The following ZBTB38 variants were observed in gnomAD, a reference collection of about 807,000 sequenced individuals.
ZBTB38 encodes the protein zinc finger and BTB domain containing 38.
A neutral mutation model predicts 76.8 loss-of-function variants in ZBTB38; 20 were observed. That is an observed-to-expected ratio of 0.26 (90% CI 0.18 to 0.38). The LOEUF (loss-of-function observed/expected upper bound fraction) is 0.38. ZBTB38 is among the 10% of genes least tolerant of loss of function. ZBTB38 has a pLI of 1.00. For missense variants in ZBTB38, 1,082 were observed against 1,482.3 expected (o/e 0.73, Z 4.43); for synonymous variants, 504 against 544.2 (o/e 0.93, Z 1.03).
At chr3:141,424,363 T>TA (rs889608163) in intron 5 of ZBTB38, among the ~76,000 whole-genome samples, 6 of 151,094 alleles carry the variant, frequency 4.0e-5, no homozygotes, top group East Asian at 3.9e-4. Context: ...TACAAAGAAA[T>TA]AAAAAAAATT....
At chr3:141,433,747 G>C (rs2078130089) in intron 5 of ZBTB38, among the ~76,000 whole-genome samples, 1 of 152,080 alleles carries the variant, frequency 6.6e-6, no homozygotes, top group African/African-American at 2.4e-5. Flanking sequence ...CTTCAGCCGT[G>C]GTATGCTGTT....
upstream of ZBTB38, among the ~76,000 whole-genome samples, chr3:141,364,386 A>C (rs564003622): frequency 9.3e-5 from 14 of 150,104 alleles, no homozygotes; most frequent in African/African-American, 3.4e-4. Flanking sequence ...TGAAAACTTT[A>C]AAAAAAAAAT....
intron 5 of ZBTB38, among the ~76,000 whole-genome samples, chr3:141,420,749 C>G (rs1282352508): frequency 6.6e-6 from 1 of 152,098 alleles, no homozygotes; most frequent in African/African-American, 2.4e-5. Flanking sequence ...GTCTTTTTAT[C>G]CCAGTCATCA....
chr3:141,334,405 T>TTTCC (rs56692861), intron 1 of ZBTB38, among the ~76,000 whole-genome samples: 6,004 of 130,184 alleles, frequency 0.046, 301 homozygotes, highest in African/African-American at 0.11. Flanking sequence ...TCCTTCCTTC[T>TTTCC]TTCCTTCCTT....
upstream of ZBTB38, among the ~76,000 whole-genome samples, chr3:141,364,591 C>T (rs139289095): frequency 0.017 from 2,454 of 143,188 alleles, 38 homozygotes; most frequent in South Asian, 0.089. Context: ...GCAGGAGAAT[C>T]GCTTGAACCC....
intron 4 of ZBTB38, among the ~76,000 whole-genome samples, chr3:141,399,694 A>T (rs1951270959): frequency 6.6e-6 from 1 of 152,234 alleles, no homozygotes; most frequent in Non-Finnish European, 1.5e-5. Flanking sequence ...CAATAGTAGG[A>T]AACAAAGACA....
chr3:141,374,558 C>T (rs1419569927), intron 2 of ZBTB38, among the ~76,000 whole-genome samples: 2 of 152,036 alleles, frequency 1.3e-5, no homozygotes, highest in Admixed American at 6.5e-5. Context: ...TATAACCCCT[C>T]ACCCCAACCC....
At chr3:141,410,306 ACT>A (rs1249753786) in intron 5 of ZBTB38, among the ~76,000 whole-genome samples, 3 of 152,026 alleles carry the variant, frequency 2.0e-5, no homozygotes, top group Admixed American at 1.3e-4. Flanking sequence ...GGGAATGAAG[ACT>A]CTTACAGAAG....
At chr3:141,331,744 A>G (rs1434974922) in intron 1 of ZBTB38, among the ~76,000 whole-genome samples, 2 of 152,100 alleles carry the variant, frequency 1.3e-5, no homozygotes, top group African/African-American at 4.8e-5. Context: ...TTTCCCATTC[A>G]TGGGTTTGAG....
chr3:141,430,053 G>A (rs1412218354), intron 5 of ZBTB38, among the ~76,000 whole-genome samples: 4 of 151,634 alleles, frequency 2.6e-5, no homozygotes, highest in South Asian at 2.1e-4. Flanking sequence ...TTGTTTTTTC[G>A]TTTTTTGTTT....
intron 1 of ZBTB38, among the ~76,000 whole-genome samples, chr3:141,346,466 G>A (rs772738167): frequency 5.9e-5 from 9 of 151,890 alleles, no homozygotes; most frequent in Non-Finnish European, 1.3e-4. Context: ...ACCCATTTTT[G>A]TTATAATTAT....
intron 5 of ZBTB38, among the ~76,000 whole-genome samples, chr3:141,417,034 G>C (rs1269123819): frequency 1.3e-5 from 2 of 152,158 alleles, no homozygotes; most frequent in African/African-American, 4.8e-5. Flanking sequence ...ACCTAACCTT[G>C]ATCCAGCAGC....
intron 1 of ZBTB38, among the ~76,000 whole-genome samples, chr3:141,356,570 C>CCTT (rs1943670625): frequency 6.6e-6 from 1 of 152,256 alleles, no homozygotes; most frequent in South Asian, 2.1e-4. Context: ...GGAAACAAAA[C>CCTT]ACATTGACAC....
chr3:141,334,011 A>G (rs147892418), intron 1 of ZBTB38, among the ~76,000 whole-genome samples: 1 of 152,284 alleles, frequency 6.6e-6, no homozygotes, highest in East Asian at 1.9e-4. Context: ...CAGCACACAC[A>G]GGGAAATACA....
intron 1 of ZBTB38, among the ~76,000 whole-genome samples, chr3:141,346,001 C>T (rs931553593): frequency 2.0e-5 from 3 of 152,178 alleles, no homozygotes; most frequent in African/African-American, 7.2e-5. Flanking sequence ...TTCTGGCTTA[C>T]AGAGGCTGAA....
At chr3:141,387,060 T>C (rs150315736) in intron 4 of ZBTB38, 123 bp downstream of exon 4, 1 of 152,816 alleles carries the variant, frequency 6.5e-6, no homozygotes, top group Non-Finnish European at 1.5e-5. Flanking sequence ...GTGCATGCTG[T>C]GTCTAGAATT....
At chr3:141,431,339 A>AT (rs35348152) in intron 5 of ZBTB38, among the ~76,000 whole-genome samples, 24,649 of 100,466 alleles carry the variant, frequency 0.25, 2,958 homozygotes, top group Non-Finnish European at 0.31. Context: ...AAAAAAAAAA[A>AT]AAATATATAT....
At chr3:141,381,804 A>G (rs1272719550) in intron 3 of ZBTB38, among the ~76,000 whole-genome samples, 2 of 152,180 alleles carry the variant, frequency 1.3e-5, no homozygotes, top group Admixed American at 1.3e-4. Context: ...CTCTTGGCCT[A>G]CTTGACCTAG....
At chr3:141,342,392 CA>C (rs58284476) in intron 1 of ZBTB38, among the ~76,000 whole-genome samples, 4,637 of 97,552 alleles carry the variant, frequency 0.048, 110 homozygotes, top group East Asian at 0.16. Context: ...GACTCTGTCT[CA>C]AAAAAAAAAA....
Sources: allele counts gnomAD v4.1 joint callset (sites outside exome capture counted in the v4.1 genomes callset), GRCh38; gene constraint gnomAD v4.1.1; transcripts MANE v1.5; gene names NCBI Gene and HGNC (gene_info 2026-07-23, HGNC 2026-07-21).